ZFHX3: variants seen among roughly 807,000 people sequenced by gnomAD.
ZFHX3 encodes zinc finger homeobox protein 3.
ZFHX3 carries 42 observed loss-of-function variants against 279.1 expected under a neutral mutation model. The ratio of observed to expected loss-of-function variants is 0.15; its 90% confidence interval spans 0.12 to 0.19. The LOEUF (loss-of-function observed/expected upper bound fraction) is 0.19, where lower values mean the gene tolerates loss of function less well. Among genes scored for constraint, ZFHX3 ranks in the 10% least tolerant of loss-of-function variants. ZFHX3 has a pLI of 1.00. For missense variants in ZFHX3, 4,981 were observed against 4,754.0 expected, an observed-to-expected ratio of 1.05 and a Z score of -1.40; for synonymous variants, 2,293 against 1,957.8, an observed-to-expected ratio of 1.17 and a Z score of -4.52.
chr16:73,110,245 C>T (rs1054103077), intron 7 of ZFHX3, among the ~76,000 whole-genome samples: 1 of 151,882 alleles, frequency 6.6e-6, no homozygotes. Flanking sequence ...CTTTTAAATC[C>T]TAAAAATCCT....
At position 73,012,314 on chromosome 16, in the gene ZFHX3, C is replaced by T. The variant is rs1422768004; in HGVS notation, c.-50+35438G>A. Among the ~76,000 whole-genome samples the T allele has an allele frequency of 2.0e-5, 3 of 152,230 alleles. No homozygotes were observed. In the East Asian group the frequency reaches 5.8e-4, roughly 29 times the overall value. ...ATAGGATGGAGCCATGTTTCTAGAACCATCAGAGACAAATTTTCTACTACA... is the reference window on the plus strand; with the variant it reads ...ATAGGATGGAGCCATGTTTCTAGAATCATCAGAGACAAATTTTCTACTACA... On this transcript the variant is annotated intron_variant, in intron 1 of 9. Coordinates refer to ENST00000268489, the MANE Select transcript of ZFHX3 (RefSeq NM_006885.4).
rs992396818 is a variant in ZFHX3, at chr16:72,927,630, A to T, written c.3216+22839T>A. 9.6e-4 allele frequency among the ~76,000 whole-genome samples: 146 copies of T among 152,132 alleles called. 2 individuals are homozygous for T. The highest frequency in any genetic ancestry group is 2.6e-4 in the Non-Finnish European group (18 of 68,008). On this transcript the variant is annotated intron_variant, in intron 3 of 9. Transcript: ENST00000268489. ...CGCGAGGGGCTGGGAGGTTCCCAGC[A>T]TGGCACTGGGGCTGGCAGCAGGCCC...
chr16:73,567,143 TTTTG>T (rs776256150), intron 2 of ZFHX3, among the ~76,000 whole-genome samples: 6 of 152,150 alleles, frequency 3.9e-5, no homozygotes, highest in African/African-American at 9.7e-5. Flanking sequence ...CCCTCTTGTT[TTTTG>T]TTTGTTTGTT....
chr16:73,682,946 G>GA (rs879488631), intron 1 of ZFHX3, among the ~76,000 whole-genome samples: 3 of 17,852 alleles, frequency 1.7e-4, no homozygotes, highest in Middle Eastern at 0.031. Context: ...AAGAAAGAAA[G>GA]AAAGAAAGAA....
At chr16:73,035,385 T>C (rs1964861531) in intron 1 of ZFHX3, among the ~76,000 whole-genome samples, 2 of 152,176 alleles carry the variant, frequency 1.3e-5, no homozygotes, top group South Asian at 4.2e-4. Context: ...AACTTCAGAT[T>C]CAGGCGGGAT....
At chr16:73,699,845 C>T (rs1451302127) in intron 1 of ZFHX3, among the ~76,000 whole-genome samples, 1 of 152,120 alleles carries the variant, frequency 6.6e-6, no homozygotes, top group East Asian at 1.9e-4. Flanking sequence ...GTTTGGGAGA[C>T]AGAAAAAGAC....
intron 3 of ZFHX3, among the ~76,000 whole-genome samples, chr16:73,331,191 T>C (rs1257965824): frequency 1.3e-5 from 2 of 152,144 alleles, no homozygotes; most frequent in African/African-American, 4.8e-5. Context: ...GAAAGCCCCG[T>C]ATAAAACCAT....
intron 2 of ZFHX3, among the ~76,000 whole-genome samples, chr16:73,512,014 C>T (rs772274584): frequency 3.1e-4 from 47 of 152,078 alleles, no homozygotes; most frequent in Non-Finnish European, 6.2e-4. Flanking sequence ...TGCCTGCAAC[C>T]CGATACCAGG....
intron 2 of ZFHX3, among the ~76,000 whole-genome samples, chr16:73,676,819 A>T (rs949463960): frequency 1.3e-5 from 2 of 152,106 alleles, no homozygotes; most frequent in South Asian, 4.1e-4. Context: ...TTTTAATATT[A>T]GTATTAGAGA....
At chr16:73,881,492 C>T (rs866729639) in intron 1 of ZFHX3, among the ~76,000 whole-genome samples, 1 of 93,580 alleles carries the variant, frequency 1.1e-5, no homozygotes, top group East Asian at 2.9e-4. Flanking sequence ...CCCCCCCCCC[C>T]ACTCTGCCCA....
chr16:73,528,953 G>A (rs771313717), intron 2 of ZFHX3, among the ~76,000 whole-genome samples: 8 of 152,284 alleles, frequency 5.3e-5, no homozygotes, highest in Non-Finnish European at 7.4e-5. Context: ...AGCCTGTAAC[G>A]AATCCCCAGT....
At chr16:73,002,214 A>C (rs550871950) in intron 1 of ZFHX3, among the ~76,000 whole-genome samples, 1 of 152,310 alleles carries the variant, frequency 6.6e-6, no homozygotes, top group Admixed American at 6.5e-5. Context: ...GGATTCCAGG[A>C]AACTTCTACT....
chr16:72,924,928 A>T (rs1476684194), intron 3 of ZFHX3, among the ~76,000 whole-genome samples: 2 of 151,972 alleles, frequency 1.3e-5, no homozygotes, highest in Non-Finnish European at 2.9e-5. Context: ...ACAGAAACGC[A>T]CCTATAGACC....
chr16:73,154,538 G>A (rs2144849362), intron 5 of ZFHX3, among the ~76,000 whole-genome samples: 2 of 152,256 alleles, frequency 1.3e-5, no homozygotes, highest in Middle Eastern at 6.8e-3. Context: ...AATGACTTGG[G>A]GGTGGGCGGC....
At chr16:73,153,379 T>A (rs987898668) in intron 5 of ZFHX3, among the ~76,000 whole-genome samples, 1 of 152,134 alleles carries the variant, frequency 6.6e-6, no homozygotes, top group Non-Finnish European at 1.5e-5. Context: ...CCTGCCTCCG[T>A]CTCCCAAAGT....
chr16:73,601,494 G>A (rs1256369352), intron 2 of ZFHX3, among the ~76,000 whole-genome samples: 2 of 150,892 alleles, frequency 1.3e-5, no homozygotes, highest in Non-Finnish European at 1.5e-5. Context: ...AAATTGTTTG[G>A]CGCTCTATTT....
chr16:72,847,467 T>C lies in ZFHX3; in HGVS notation c.3449-17608A>G, dbSNP rs143043373. Among the ~76,000 whole-genome samples, 70 of 152,202 alleles carry C rather than the reference T, an allele frequency of 4.6e-4. 1 individual carries two copies. The Middle Eastern group carries it at 0.017, about 37-fold the overall frequency. On this transcript the variant is annotated intron_variant, in intron 4 of 9. Transcript: ENST00000268489. ...TAGGACCAGCCATCTCTTGGTACCC[T>C]GGGAGCTCCAAGAAACTCAGTGGTC...
At chr16:73,405,284 G>T (rs1011735102) in intron 3 of ZFHX3, among the ~76,000 whole-genome samples, 2 of 152,116 alleles carry the variant, frequency 1.3e-5, no homozygotes, top group African/African-American at 4.8e-5. Flanking sequence ...AAATTATTCT[G>T]TTTTTTTCCA....
At chr16:73,505,888 G>A (rs1448678398) in intron 2 of ZFHX3, among the ~76,000 whole-genome samples, 1 of 152,256 alleles carries the variant, frequency 6.6e-6, no homozygotes, top group East Asian at 1.9e-4. Flanking sequence ...CCCGCTCCAT[G>A]CACGAGGATT....
Sources: gnomAD v4.1 joint callset for allele counts (sites outside exome capture counted in the v4.1 genomes callset) on GRCh38, gnomAD v4.1.1 for gene constraint, MANE v1.5 for transcripts, NCBI Gene and HGNC (gene_info 2026-07-23, HGNC 2026-07-21) for gene names.